Variants in IMMP2L observed in about 807,000 individuals in gnomAD.
IMMP2L encodes inner mitochondrial membrane peptidase subunit 2.
Under a neutral mutation model 19.3 loss-of-function variants are expected in IMMP2L, and 18 were observed. The ratio of observed to expected loss-of-function variants is 0.93; its 90% CI spans 0.64 to 1.38. IMMP2L has a LOEUF of 1.38. Ranked by LOEUF, IMMP2L falls within the 40% of genes most tolerant of loss-of-function variation. IMMP2L has a pLI of 0.00. For missense variants in IMMP2L, 233 were observed against 218.2 expected (o/e 1.07, Z -0.43); for synonymous variants, 76 against 73.0 (o/e 1.04, Z -0.21).
At chr7:110,867,366 A>G (rs775478998) in intron 5 of IMMP2L, among the ~76,000 whole-genome samples, 1 of 151,976 alleles carries the variant, frequency 6.6e-6, no homozygotes, top group Admixed American at 6.6e-5. Flanking sequence ...ATTTCCAAAT[A>G]TCATTACATT....
At chr7:111,027,610 C>G (rs1826983867) in intron 3 of IMMP2L, among the ~76,000 whole-genome samples, 1 of 151,828 alleles carries the variant, frequency 6.6e-6, no homozygotes, top group Admixed American at 6.6e-5. Flanking sequence ...TGGAGGTACA[C>G]AGGGTAGAAA....
chr7:110,741,789 A>T (rs1382153767), intron 5 of IMMP2L, among the ~76,000 whole-genome samples: 1 of 152,208 alleles, frequency 6.6e-6, no homozygotes, highest in Admixed American at 6.5e-5. Flanking sequence ...AATTTTGTTA[A>T]AGAATAAAAT....
intron 3 of IMMP2L, among the ~76,000 whole-genome samples, chr7:111,457,339 AAAAAG>A (rs1254519320): frequency 6.8e-6 from 1 of 147,962 alleles, no homozygotes; most frequent in African/African-American, 2.5e-5. Context: ...CCTTGAAAAA[AAAAAG>A]AAAACTATAA....
At chr7:111,232,620 CAATAACA>C (rs1813839450) in intron 3 of IMMP2L, among the ~76,000 whole-genome samples, 1 of 151,890 alleles carries the variant, frequency 6.6e-6, no homozygotes, top group Non-Finnish European at 1.5e-5. Context: ...GAGAATTAAC[CAATAACA>C]AATACTAAGA....
At chr7:111,507,753 A>G (rs1845067086) in intron 2 of IMMP2L, among the ~76,000 whole-genome samples, 1 of 152,206 alleles carries the variant, frequency 6.6e-6, no homozygotes, top group Non-Finnish European at 1.5e-5. Flanking sequence ...ACCAAAATGT[A>G]TCTGCTTGTG....
At chr7:111,400,871 A>G (rs1359369261) in intron 3 of IMMP2L, among the ~76,000 whole-genome samples, 2 of 152,172 alleles carry the variant, frequency 1.3e-5, no homozygotes, top group Admixed American at 6.5e-5. Flanking sequence ...TCTTGTTTCC[A>G]TAATGATCAA....
At chr7:110,867,947 C>T (rs920631685) in intron 5 of IMMP2L, among the ~76,000 whole-genome samples, 9 of 151,884 alleles carry the variant, frequency 5.9e-5, no homozygotes. Flanking sequence ...TGTTGTCACC[C>T]CCAGAGGTCC....
At chr7:111,480,013 T>C (rs936508943) in intron 3 of IMMP2L, among the ~76,000 whole-genome samples, 3 of 152,100 alleles carry the variant, frequency 2.0e-5, no homozygotes, top group Non-Finnish European at 4.4e-5. Flanking sequence ...ATTAAGTGTA[T>C]AAGCATTGTG....
At chr7:111,546,886 C>A (rs1376182781) in intron 1 of IMMP2L, among the ~76,000 whole-genome samples, 3 of 152,062 alleles carry the variant, frequency 2.0e-5, no homozygotes, top group Admixed American at 6.6e-5. Context: ...AAGATATGAT[C>A]CAAATTTTAA....
intron 5 of IMMP2L, among the ~76,000 whole-genome samples, chr7:110,812,696 C>T (rs1029118559): frequency 1.1e-4 from 17 of 151,812 alleles, no homozygotes; most frequent in African/African-American, 3.6e-4. Flanking sequence ...TAAATGAAGA[C>T]AGAGAAGAAG....
intron 3 of IMMP2L, among the ~76,000 whole-genome samples, chr7:111,279,244 C>T (rs1442527579): frequency 1.3e-5 from 2 of 152,172 alleles, no homozygotes; most frequent in Non-Finnish European, 2.9e-5. Context: ...CTAATGTGGT[C>T]TTAGCCTGAT....
At chr7:111,294,619 T>G (rs1821438304) in intron 3 of IMMP2L, among the ~76,000 whole-genome samples, 1 of 151,832 alleles carries the variant, frequency 6.6e-6, no homozygotes, top group Non-Finnish European at 1.5e-5. Flanking sequence ...CAGGACCTTG[T>G]CAATGACTCA....
chr7:111,087,294 A>G (rs148899886), intron 3 of IMMP2L, among the ~76,000 whole-genome samples: 187 of 151,552 alleles, frequency 1.2e-3, no homozygotes, highest in African/African-American at 4.5e-3. Context: ...CTAAAAATAC[A>G]AAAAATTTGC....
At chr7:111,336,557 A>G (rs1826428042) in intron 3 of IMMP2L, among the ~76,000 whole-genome samples, 1 of 151,856 alleles carries the variant, frequency 6.6e-6, no homozygotes, top group East Asian at 1.9e-4. Flanking sequence ...AATTTTCTAG[A>G]GTTTATCTTG....
chr7:110,882,370 T>C (rs1809774607), intron 5 of IMMP2L, among the ~76,000 whole-genome samples: 1 of 147,496 alleles, frequency 6.8e-6, no homozygotes, highest in Non-Finnish European at 1.5e-5. Flanking sequence ...TCTCTCTCTC[T>C]CTCTCCCTCT....
chr7:110,901,304 A>G (rs761288955), intron 4 of IMMP2L, among the ~76,000 whole-genome samples: 1 of 152,166 alleles, frequency 6.6e-6, no homozygotes, highest in Non-Finnish European at 1.5e-5. Flanking sequence ...TACATATTCA[A>G]TAAATATATA....
At chr7:110,914,785 G>A (rs1813419207) in intron 4 of IMMP2L, among the ~76,000 whole-genome samples, 1 of 112,216 alleles carries the variant, frequency 8.9e-6, no homozygotes, top group South Asian at 4.5e-4. Flanking sequence ...TTTGAAATAT[G>A]TGCATTTTTT....
intron 3 of IMMP2L, among the ~76,000 whole-genome samples, chr7:111,141,602 C>T (rs1057213521): frequency 1.3e-5 from 2 of 152,028 alleles, no homozygotes; most frequent in Admixed American, 6.6e-5. Flanking sequence ...AGTATCCTTC[C>T]CATCCTCTGT....
chr7:110,741,910 T>C (rs772126404), intron 5 of IMMP2L, among the ~76,000 whole-genome samples: 5 of 152,234 alleles, frequency 3.3e-5, no homozygotes, highest in Non-Finnish European at 7.3e-5. Context: ...TATAAACATT[T>C]AGATTCTACT....
Sources: gnomAD v4.1 joint callset for allele counts (sites outside exome capture counted in the v4.1 genomes callset) on GRCh38, gnomAD v4.1.1 for gene constraint, MANE v1.5 for transcripts, NCBI Gene and HGNC (gene_info 2026-07-23, HGNC 2026-07-21) for gene names.